Variants in COL23A1 observed in about 807,000 individuals in gnomAD.
COL23A1 encodes collagen alpha-1(XXIII) chain.
COL23A1 carries 97 observed loss-of-function variants against 99.3 expected under a neutral mutation model. That is an observed-to-expected ratio of 0.98 (90% CI 0.83 to 1.16). COL23A1 has a LOEUF of 1.16. Ranked by LOEUF, COL23A1 falls within the 50% of genes most tolerant of loss-of-function variation. The probability of loss-of-function intolerance (pLI) is 0.00; values close to 1 mark genes in which losing one functional copy is unlikely to be tolerated. For synonymous variants in COL23A1, 320 were observed against 308.2 expected (o/e 1.04, Z -0.40); for missense variants, 762 against 757.4 (o/e 1.01, Z -0.07).
chr5:178,503,733 G>A (rs1390253129), intron 2 of COL23A1, among the ~76,000 whole-genome samples: 1 of 152,040 alleles, frequency 6.6e-6, no homozygotes, highest in Non-Finnish European at 1.5e-5. Context: ...TAGGATATAT[G>A]GGTGTTCTTT....
intron 2 of COL23A1, among the ~76,000 whole-genome samples, chr5:178,403,590 C>T (rs548184166): frequency 3.5e-4 from 54 of 152,214 alleles, no homozygotes; most frequent in Non-Finnish European, 6.5e-4. Context: ...CAATGTGTAA[C>T]GCCACTTCCA....
At chr5:178,559,041 C>T (rs1023728276) in intron 2 of COL23A1, among the ~76,000 whole-genome samples, 19 of 152,318 alleles carry the variant, frequency 1.2e-4, no homozygotes, top group Middle Eastern at 3.4e-3. Context: ...CCACCTGCCT[C>T]GGCCTCCCAA....
At chr5:178,554,271 T>G (rs1357695857) in intron 2 of COL23A1, among the ~76,000 whole-genome samples, 2 of 152,046 alleles carry the variant, frequency 1.3e-5, no homozygotes, top group Admixed American at 6.5e-5. Context: ...CTCTGCCTCC[T>G]GAGTTCAAGC....
intron 2 of COL23A1, among the ~76,000 whole-genome samples, chr5:178,376,553 C>A (rs1472896116): frequency 6.6e-6 from 1 of 152,230 alleles, no homozygotes; most frequent in Non-Finnish European, 1.5e-5. Flanking sequence ...TCTTTAGGAA[C>A]CAGGCACTGA....
chr5:178,262,076 A>G (rs912115744), intron 10 of COL23A1, 141 bp downstream of exon 10: 5 of 928,004 alleles, frequency 5.4e-6, no homozygotes, highest in Non-Finnish European at 6.7e-6. Flanking sequence ...ACACACATGC[A>G]GACACGTACA....
chr5:178,511,677 G>A (rs1759213399), intron 2 of COL23A1, among the ~76,000 whole-genome samples: 1 of 152,154 alleles, frequency 6.6e-6, no homozygotes, highest in South Asian at 2.1e-4. Flanking sequence ...GAGACACAGT[G>A]ACCTGTAGTG....
At chr5:178,315,637 G>A (rs1405758141) in intron 2 of COL23A1, among the ~76,000 whole-genome samples, 2 of 152,192 alleles carry the variant, frequency 1.3e-5, no homozygotes, top group African/African-American at 2.4e-5. Flanking sequence ...CAGGGCACGG[G>A]AAGGGGACAA....
chr5:178,333,390 C>T (rs368700490), intron 2 of COL23A1, among the ~76,000 whole-genome samples: 2 of 152,164 alleles, frequency 1.3e-5, no homozygotes, highest in African/African-American at 4.8e-5. Flanking sequence ...GATGATGGCA[C>T]TTAGGGCCCC....
At chr5:178,564,982 G>T (rs1313823446) in intron 1 of COL23A1, among the ~76,000 whole-genome samples, 2 of 152,222 alleles carry the variant, frequency 1.3e-5, no homozygotes, top group East Asian at 3.8e-4. Context: ...TTATGCAGAA[G>T]TTGCACCGTA....
chr5:178,546,355 G>A lies in COL23A1; in HGVS notation c.361+14327C>T, dbSNP rs1254325451. ...TCCTCATGCATTTCTTCCACTGTTC[G>A]CCACTTTTGTCTAGATAGGCAGAGG... On this transcript the variant is annotated intron_variant, in intron 2 of 28. Coordinates refer to ENST00000390654, the MANE Select transcript of COL23A1 (RefSeq NM_173465.4). Among the ~76,000 whole-genome samples, 15 of 152,190 alleles carry A rather than the reference G, an allele frequency of 9.9e-5. No individual in the cohort carries two copies. In the East Asian group the frequency reaches 2.1e-3, roughly 22 times the overall value.
At chr5:178,258,149 G>A (rs1217062728) in intron 12 of COL23A1, among the ~76,000 whole-genome samples, 1 of 151,532 alleles carries the variant, frequency 6.6e-6, no homozygotes, top group African/African-American at 2.4e-5. Context: ...TTGAGAGGCT[G>A]AGGTGGGAGA....
intron 2 of COL23A1, among the ~76,000 whole-genome samples, chr5:178,441,368 C>T (rs1229544421): frequency 6.6e-6 from 1 of 152,128 alleles, no homozygotes; most frequent in Non-Finnish European, 1.5e-5. Context: ...CCTAAAAATA[C>T]TAATAAAATA....
chr5:178,581,171 C>T lies in COL23A1; in HGVS notation c.294+8733G>A, dbSNP rs190571650. ...TCAACTAAAAGATATATTGAATCCACGTTGCCCATTATAAAACTTGAAGCA... is the reference window on the plus strand; with the variant it reads ...TCAACTAAAAGATATATTGAATCCATGTTGCCCATTATAAAACTTGAAGCA... On this transcript the variant is annotated intron_variant, in intron 1 of 28. Transcript: ENST00000390654. Among the ~76,000 whole-genome samples the T allele has an allele frequency of 5.4e-4, 82 of 152,306 alleles. 1 individual carries two copies. In the East Asian group the frequency reaches 0.013, roughly 24 times the overall value.
At chr5:178,404,875 T>C (rs1764670585) in intron 2 of COL23A1, among the ~76,000 whole-genome samples, 1 of 152,082 alleles carries the variant, frequency 6.6e-6, no homozygotes, top group African/African-American at 2.4e-5. Context: ...AAGACAAACC[T>C]AGGACCAGCA....
chr5:178,411,492 C>T (rs1035885724), intron 2 of COL23A1, among the ~76,000 whole-genome samples: 1 of 151,976 alleles, frequency 6.6e-6, no homozygotes, highest in Non-Finnish European at 1.5e-5. Flanking sequence ...ATACATATTA[C>T]AATGTGGATG....
At chr5:178,492,741 G>C (rs1471584330) in intron 2 of COL23A1, among the ~76,000 whole-genome samples, 1 of 151,820 alleles carries the variant, frequency 6.6e-6, no homozygotes, top group Non-Finnish European at 1.5e-5. Context: ...TTCCCATAGA[G>C]GCCCCACCTC....
At chr5:178,360,609 C>T (rs1332151789) in intron 2 of COL23A1, among the ~76,000 whole-genome samples, 1 of 152,246 alleles carries the variant, frequency 6.6e-6, no homozygotes, top group African/African-American at 2.4e-5. Context: ...CCTCTCTGAG[C>T]CTCGGTGTCC....
In COL23A1 at chr5:178,247,784, TGGGGGGCCA is replaced by T. The variant is rs759475224; in HGVS notation, c.1251_1259del (p.Pro420_Pro422del). ...AGCAAACCGTCCTTACCATCGGGCC[TGGGGGGCCA>T]GGGGGGCCAGGGGGCCCTGGCTCCA... is the stretch of plus-strand genomic sequence containing the variant. On this transcript the variant is annotated inframe_deletion, in exon 21 of 29. Coordinates refer to ENST00000390654, the MANE Select transcript of COL23A1 (RefSeq NM_173465.4). 4.5e-4 allele frequency: 730 copies of T among 1,613,342 alleles called. 3 individuals are homozygous for T. The highest frequency in any genetic ancestry group is 3.9e-3 in the African/African-American group (292 of 74,982).
In COL23A1 at chr5:178,302,707, G is replaced by C. The variant is rs577655790; in HGVS notation, c.406+4168C>G. On this transcript the variant is annotated intron_variant, in intron 3 of 28. Coordinates refer to ENST00000390654, the MANE Select transcript of COL23A1 (RefSeq NM_173465.4). ...ACATCTCATTCCCTATATTTTTATT[G>C]TAAGTTTTCAAGTCATCCACTGGTG... Among the ~76,000 whole-genome samples, 180 of 152,290 alleles carry C rather than the reference G, an allele frequency of 1.2e-3. 1 individual carries two copies. Among genetic ancestry groups the C allele is most frequent in the South Asian group, 3.3e-3 (16 of 4,832 alleles).
Sources: gnomAD v4.1 joint callset for allele counts (sites outside exome capture counted in the v4.1 genomes callset) on GRCh38, gnomAD v4.1.1 for gene constraint, MANE v1.5 for transcripts, NCBI Gene and HGNC (gene_info 2026-07-23, HGNC 2026-07-21) for gene names.